Variants in MCPH1 observed in about 807,000 individuals in gnomAD.
The protein encoded by MCPH1 is microcephalin.
Under a neutral mutation model 84.5 loss-of-function variants are expected in MCPH1, and 104 were observed. That is an observed-to-expected ratio of 1.23 (90% CI 1.05 to 1.45). The LOEUF is 1.45. MCPH1 is among the 40% of genes most tolerant of loss of function. The pLI is 0.00. For missense variants in MCPH1, 1,498 were observed against 1,005.7 expected, an observed-to-expected ratio of 1.49 and a Z score of -6.62; for synonymous variants, 514 against 366.8, an observed-to-expected ratio of 1.40 and a Z score of -4.58.
intron 12 of MCPH1, among the ~76,000 whole-genome samples, chr8:6,534,908 C>T (rs1242597320): frequency 6.6e-5 from 10 of 152,154 alleles, no homozygotes; most frequent in Admixed American, 5.2e-4. Flanking sequence ...CTCCGCTCAT[C>T]GCCATGGGAG....
intron 3 of MCPH1, among the ~76,000 whole-genome samples, chr8:6,421,375 C>G (rs983797992): frequency 7.9e-5 from 12 of 152,120 alleles, no homozygotes; most frequent in African/African-American, 2.9e-4. Context: ...GGGCTTATGC[C>G]TAACTACCTG....
chr8:6,514,814 C>G (rs1179212171), intron 12 of MCPH1: 4 of 1,550,800 alleles, frequency 2.6e-6, no homozygotes, highest in Non-Finnish European at 1.8e-6. Context: ...GTGACAGAGC[C>G]CCCCCACTCC....
chr8:6,621,232 TCC>T, intron 12 of MCPH1: 22 of 602,420 alleles, frequency 3.7e-5, no homozygotes, highest in Non-Finnish European at 4.4e-5. Context: ...CTAATTTGTT[TCC>T]TTGGAGTTTT....
chr8:6,454,014 A>T (rs1380067702), intron 8 of MCPH1, among the ~76,000 whole-genome samples: 3 of 152,206 alleles, frequency 2.0e-5, no homozygotes, highest in African/African-American at 7.2e-5. Context: ...ATCCTTTTTC[A>T]CTGAGATAGG....
At chr8:6,516,929 T>C (rs1816378502) in intron 12 of MCPH1, among the ~76,000 whole-genome samples, 3 of 152,340 alleles carry the variant, frequency 2.0e-5, no homozygotes, top group South Asian at 4.1e-4. Context: ...ATTTGAGCCA[T>C]ATGAGTATTC....
rs138700347 is a variant in MCPH1, at chr8:6,449,105, C to T, written c.1825+3558C>T. On this transcript the variant is annotated intron_variant, in intron 8 of 13. Coordinates refer to ENST00000344683, the MANE Select transcript of MCPH1 (RefSeq NM_024596.5). ...CTGATTTGTAATAAGATAGATTTTACGTATTTCACTTTTGAAAATATCTTT... is the reference window on the plus strand; with the variant it reads ...CTGATTTGTAATAAGATAGATTTTATGTATTTCACTTTTGAAAATATCTTT... 1.1e-4 allele frequency among the ~76,000 whole-genome samples: 16 copies of T among 152,260 alleles called. No individual in the cohort carries two copies. In the South Asian group the frequency reaches 2.7e-3, roughly 26 times the overall value.
intron 12 of MCPH1, among the ~76,000 whole-genome samples, chr8:6,540,272 T>C (rs1821310959): frequency 6.6e-6 from 1 of 152,256 alleles, no homozygotes; most frequent in Non-Finnish European, 1.5e-5. Flanking sequence ...TACTCCAAAA[T>C]TTGATAAGGA....
chr8:6,508,606 A>G, intron 12 of MCPH1: 1 of 470,778 alleles, frequency 2.1e-6, no homozygotes. Context: ...ACATAAAGCA[A>G]AATGTAATTA....
Position 6,514,777 on chromosome 8 carries a change from G to A in MCPH1, c.2214+14848G>A, listed in dbSNP as rs145141058. On this transcript the variant is annotated intron_variant, in intron 12 of 13. Coordinates refer to ENST00000344683, the MANE Select transcript of MCPH1 (RefSeq NM_024596.5). ...TCCTCCAGCTTCCATGTCACAGTAG[G>A]CCTGCAAACAGGAATGCAGGGTATA... The A allele has an allele frequency of 3.9e-3, 6,261 of 1,613,746 alleles. 39 individuals carry two copies. The highest frequency in any genetic ancestry group is 0.012 in the South Asian group (1,125 of 91,068).
chr8:6,549,503 G>A (rs1823217296), intron 12 of MCPH1, among the ~76,000 whole-genome samples: 1 of 152,016 alleles, frequency 6.6e-6, no homozygotes, highest in African/African-American at 2.4e-5. Context: ...GAAGCCTTCT[G>A]TATCTTGAGC....
chr8:6,522,354 C>CA (rs1164005185), intron 12 of MCPH1, among the ~76,000 whole-genome samples: 41 of 142,520 alleles, frequency 2.9e-4, no homozygotes, highest in South Asian at 1.3e-3. Flanking sequence ...GACTCCGTCT[C>CA]AAAAAAAAAG....
intron 9 of MCPH1, among the ~76,000 whole-genome samples, chr8:6,463,104 C>G (rs1258528717): frequency 6.6e-6 from 1 of 152,166 alleles, no homozygotes; most frequent in Non-Finnish European, 1.5e-5. Flanking sequence ...GGAGTATAGC[C>G]TTTTCTAAAA....
chr8:6,513,960 G>A, intron 12 of MCPH1: 1 of 1,009,502 alleles, frequency 9.9e-7, no homozygotes, highest in Non-Finnish European at 1.4e-6. Flanking sequence ...AATTCCTTCT[G>A]GTGCTGTGAC....
chr8:6,608,154 G>C (rs181865203), intron 12 of MCPH1, among the ~76,000 whole-genome samples: 1 of 152,204 alleles, frequency 6.6e-6, no homozygotes, highest in Admixed American at 6.5e-5. Flanking sequence ...GCTGACTCAC[G>C]TGCGAGGGTG....
intron 12 of MCPH1, chr8:6,521,198 G>A (rs1245811865): frequency 6.2e-7 from 1 of 1,613,312 alleles, no homozygotes. Context: ...GGACATCATA[G>A]TCAGTAAGTT....
chr8:6,449,942 C>A (rs993199965), intron 8 of MCPH1, among the ~76,000 whole-genome samples: 2 of 152,140 alleles, frequency 1.3e-5, no homozygotes, highest in African/African-American at 4.8e-5. Context: ...TTGCTTTTCA[C>A]GAAGGAGACA....
At chr8:6,513,673 C>T (rs1815659064) in intron 12 of MCPH1, 1 of 1,603,770 alleles carries the variant, frequency 6.2e-7, no homozygotes, top group Non-Finnish European at 8.5e-7. Context: ...CATGAACTCA[C>T]TTACCTATAA....
intron 13 of MCPH1, among the ~76,000 whole-genome samples, chr8:6,632,587 A>G (rs1466632166): frequency 6.6e-6 from 1 of 152,212 alleles, no homozygotes; most frequent in Non-Finnish European, 1.5e-5. Flanking sequence ...AGGGGGGCGG[A>G]TCACAAGGTC....
chr8:6,575,485 C>T (rs151246735), intron 12 of MCPH1, among the ~76,000 whole-genome samples: 7 of 152,272 alleles, frequency 4.6e-5, no homozygotes, highest in Admixed American at 6.5e-5. Flanking sequence ...AAAGGTCCTA[C>T]GTGGTGTCTA....
Sources: allele counts gnomAD v4.1 joint callset (sites outside exome capture counted in the v4.1 genomes callset), GRCh38; gene constraint gnomAD v4.1.1; transcripts MANE v1.5; gene names NCBI Gene and HGNC (gene_info 2026-07-23, HGNC 2026-07-21).